Variants in LINGO2 observed in about 807,000 individuals in gnomAD.
LINGO2 encodes the protein leucine-rich repeat and immunoglobulin-like domain-containing nogo receptor-interacting protein 2.
In LINGO2, 14 loss-of-function variants were observed where a neutral mutation model predicts 30.6. That is an observed-to-expected ratio of 0.46 (90% CI 0.30 to 0.72). LINGO2 has a LOEUF of 0.72. Ranked by LOEUF, LINGO2 falls within the 30% of genes least tolerant of loss-of-function variation. The pLI is 0.07. For synonymous variants in LINGO2, 317 were observed against 288.5 expected (o/e 1.10, Z -1.00); for missense variants, 729 against 751.7 (o/e 0.97, Z 0.35).
intron 1 of LINGO2, among the ~76,000 whole-genome samples, chr9:28,646,715 T>C (rs563454612): frequency 1.3e-5 from 2 of 152,114 alleles, no homozygotes; most frequent in African/African-American, 2.4e-5. Flanking sequence ...TAATTTCTTA[T>C]GAAATGTCAC....
chr9:28,823,912 T>G, the LINGO2 span, among the ~76,000 whole-genome samples: 1 of 152,162 alleles, frequency 6.6e-6, no homozygotes, highest in African/African-American at 2.4e-5. Flanking sequence ...CTTCAGTGTA[T>G]AGCCCTTAGT....
At chr9:28,590,260 C>G (rs1015321836) in intron 1 of LINGO2, among the ~76,000 whole-genome samples, 1 of 152,080 alleles carries the variant, frequency 6.6e-6, no homozygotes, top group African/African-American at 2.4e-5. Flanking sequence ...GACTTCATGT[C>G]TAAAACACCA....
intron 1 of LINGO2, among the ~76,000 whole-genome samples, chr9:28,639,545 T>G (rs1490148724): frequency 6.6e-6 from 1 of 152,222 alleles, no homozygotes; most frequent in Non-Finnish European, 1.5e-5. Flanking sequence ...TAGCTCTTCT[T>G]GTTGAACTGA....
At chr9:28,640,106 C>T (rs1234712569) in intron 1 of LINGO2, among the ~76,000 whole-genome samples, 1 of 152,092 alleles carries the variant, frequency 6.6e-6, no homozygotes, top group Non-Finnish European at 1.5e-5. Context: ...ATATGAAATT[C>T]TGGGTTGAAA....
the LINGO2 span, among the ~76,000 whole-genome samples, chr9:29,101,753 T>C: frequency 6.6e-6 from 1 of 152,198 alleles, no homozygotes; most frequent in Non-Finnish European, 1.5e-5. Flanking sequence ...TCTCACTCTT[T>C]TTTATGGCTG....
At chr9:29,022,571 T>C in the LINGO2 span, among the ~76,000 whole-genome samples, 35 of 152,286 alleles carry the variant, frequency 2.3e-4, no homozygotes, top group African/African-American at 8.4e-4. Context: ...ATCTTACAAT[T>C]TAAAACACAT....
chr9:28,840,921 A>T, the LINGO2 span, among the ~76,000 whole-genome samples: 1 of 151,992 alleles, frequency 6.6e-6, no homozygotes, highest in South Asian at 2.1e-4. Flanking sequence ...TTGGTGTTAA[A>T]CATGAAAAGC....
At chr9:28,846,359 C>T in the LINGO2 span, among the ~76,000 whole-genome samples, 1 of 151,434 alleles carries the variant, frequency 6.6e-6, no homozygotes, top group African/African-American at 2.4e-5. Context: ...TTACTGGAGG[C>T]CAAGTTGGGA....
chr9:28,022,570 A>G (rs529717888), intron 4 of LINGO2, among the ~76,000 whole-genome samples: 28 of 152,000 alleles, frequency 1.8e-4, no homozygotes, highest in Non-Finnish European at 3.5e-4. Flanking sequence ...TGGATATTCT[A>G]TATTTGTGGA....
At chr9:28,288,601 G>A (rs1219261459) in intron 4 of LINGO2, among the ~76,000 whole-genome samples, 1 of 152,048 alleles carries the variant, frequency 6.6e-6, no homozygotes, top group Admixed American at 6.6e-5. Flanking sequence ...GGACAGGGCG[G>A]GGAGGCTGCT....
At chr9:28,304,673 A>G (rs568917643) in intron 3 of LINGO2, among the ~76,000 whole-genome samples, 2 of 152,156 alleles carry the variant, frequency 1.3e-5, no homozygotes, top group Admixed American at 1.3e-4. Flanking sequence ...TTGTGGATAT[A>G]TGTTTTCATT....
the LINGO2 span, among the ~76,000 whole-genome samples, chr9:28,715,497 C>T: frequency 2.0e-5 from 3 of 151,982 alleles, no homozygotes; most frequent in South Asian, 2.1e-4. Flanking sequence ...CATTAGATAA[C>T]GGAATTAGAG....
the LINGO2 span, among the ~76,000 whole-genome samples, chr9:28,991,180 G>A: frequency 1.3e-5 from 2 of 152,250 alleles, no homozygotes; most frequent in South Asian, 2.1e-4. Context: ...AGGAGCTGAT[G>A]GAGCTGAAAG....
At chr9:28,038,126 G>A (rs544853137) in intron 4 of LINGO2, among the ~76,000 whole-genome samples, 13 of 152,226 alleles carry the variant, frequency 8.5e-5, no homozygotes, top group South Asian at 2.1e-4. Flanking sequence ...AAATGAGTCC[G>A]GAATTTCATT....
the LINGO2 span, among the ~76,000 whole-genome samples, chr9:28,708,747 C>T: frequency 1.1e-5 from 1 of 95,208 alleles, no homozygotes; most frequent in Non-Finnish European, 1.9e-5. Context: ...AGCCTGCTGT[C>T]TGTTTTAAAC....
At chr9:28,013,840 T>G (rs1225946504) in intron 4 of LINGO2, among the ~76,000 whole-genome samples, 1 of 152,216 alleles carries the variant, frequency 6.6e-6, no homozygotes, top group African/African-American at 2.4e-5. Flanking sequence ...TGGAAGATGA[T>G]AGGGTTTTAA....
chr9:28,439,391 T>G (rs1312062732), intron 2 of LINGO2, among the ~76,000 whole-genome samples: 1 of 152,092 alleles, frequency 6.6e-6, no homozygotes, highest in Non-Finnish European at 1.5e-5. Context: ...GCATATTGTG[T>G]GACTCTGTTC....
chr9:29,089,852 C>T, the LINGO2 span, among the ~76,000 whole-genome samples: 1 of 151,916 alleles, frequency 6.6e-6, no homozygotes, highest in East Asian at 1.9e-4. Context: ...TATGGTGGTG[C>T]ATGGAATGGT....
At chr9:28,009,758 C>T (rs765703490) in intron 5 of LINGO2, among the ~76,000 whole-genome samples, 5 of 152,144 alleles carry the variant, frequency 3.3e-5, no homozygotes, top group South Asian at 2.1e-4. Flanking sequence ...TCATATATTC[C>T]TGGTGGAAAT....
Sources: gnomAD v4.1 joint callset for allele counts (sites outside exome capture counted in the v4.1 genomes callset) on GRCh38, gnomAD v4.1.1 for gene constraint, MANE v1.5 for transcripts, NCBI Gene and HGNC (gene_info 2026-07-23, HGNC 2026-07-21) for gene names.